ADAMTS17: variants seen among roughly 807,000 people sequenced by gnomAD.
ADAMTS17 encodes A disintegrin and metalloproteinase with thrombospondin motifs 17.
ADAMTS17 carries 113 observed loss-of-function variants against 141.5 expected under a neutral mutation model. The ratio of observed to expected loss-of-function variants is 0.80; its 90% confidence interval spans 0.69 to 0.93. The LOEUF (loss-of-function observed/expected upper bound fraction) is 0.93. ADAMTS17 is among the 40% of genes least tolerant of loss of function. ADAMTS17 has a pLI of 0.00. For missense variants in ADAMTS17, 1,659 were observed against 1,517.9 expected (o/e 1.09, Z -1.54); for synonymous variants, 768 against 630.6 (o/e 1.22, Z -3.27).
intron 3 of ADAMTS17, among the ~76,000 whole-genome samples, chr15:100,292,903 T>G (rs1329255221): frequency 1.3e-5 from 2 of 152,134 alleles, no homozygotes; most frequent in Non-Finnish European, 2.9e-5. Context: ...CAGATAATAT[T>G]CTCCAAACAC....
chr15:100,190,845 G>A (rs941066649), intron 8 of ADAMTS17, among the ~76,000 whole-genome samples: 1 of 152,234 alleles, frequency 6.6e-6, no homozygotes, highest in African/African-American at 2.4e-5. Flanking sequence ...GTTACCAAGA[G>A]AGCCACCTGG....
chr15:100,341,923 C>G lies in ADAMTS17; in HGVS notation c.-24G>C, dbSNP rs754215615. On this transcript the variant is annotated 5_prime_UTR_variant, in exon 1 of 22. Transcript: ENST00000268070. ...ATGGTACCCGGGACCGGCAGCCCCC[C>G]CGGACCGTGGCGGCGAAGCAGGAGC... The G allele has an allele frequency of 1.5e-5, 24 of 1,548,650 alleles. No individual in the cohort carries two copies. Among genetic ancestry groups the G allele is most frequent in the South Asian group, 3.6e-5 (3 of 84,012 alleles).
At chr15:100,162,445 TA>T (rs2039742584) in intron 8 of ADAMTS17, among the ~76,000 whole-genome samples, 1 of 133,950 alleles carries the variant, frequency 7.5e-6, no homozygotes, top group Non-Finnish European at 1.6e-5. Context: ...TATACACATA[TA>T]GTTATATATA....
In ADAMTS17 at chr15:99,993,641, A is replaced by C. The variant is rs1438233751; in HGVS notation, c.2797-441T>G. Among the ~76,000 whole-genome samples, 1 of 152,224 alleles carries C rather than the reference A, an allele frequency of 6.6e-6. No individual in the cohort carries two copies. The highest frequency in any genetic ancestry group is 1.5e-5 in the Non-Finnish European group (1 of 68,034). ...ATCTTTCCAGCTGGCCTCCAGGTGCACATGCTGTGCTTGGACCAGCCTGGG... is the reference window on the plus strand; with the variant it reads ...ATCTTTCCAGCTGGCCTCCAGGTGCCCATGCTGTGCTTGGACCAGCCTGGG... On this transcript the variant is annotated intron_variant, in intron 19 of 21. Transcript: ENST00000268070. This position sits in a 1 kb window ranked among gnomAD's most constrained non-coding sequence, Gnocchi z 4.3.
At position 100,054,170 on chromosome 15, in the gene ADAMTS17, G is replaced by A. The variant is rs1037653963; in HGVS notation, c.2138-116C>T. 380 of 1,199,102 alleles carry A rather than the reference G, an allele frequency of 3.2e-4. 5 individuals carry two copies. In the Admixed American group the frequency reaches 5.6e-3, roughly 18 times the overall value. The allele number at this position is 1,199,102 out of a possible 1,614,324, so 74.3% of individuals were successfully genotyped here. ...GGCAGAGGTCTCCCTTCCACAGGGG[G>A]AAGGAGGGAGGCCTGAAGCGAGAGA... On this transcript the variant is annotated intron_variant, in intron 15 of 21. Transcript: ENST00000268070.
At chr15:100,118,142 A>G (rs2037256620) in intron 12 of ADAMTS17, among the ~76,000 whole-genome samples, 1 of 152,230 alleles carries the variant, frequency 6.6e-6, no homozygotes, top group Non-Finnish European at 1.5e-5. Flanking sequence ...GAAGGGCCAG[A>G]TAGTGAATAT....
At chr15:100,341,496 G>T in intron 1 of ADAMTS17, 87 bp from the exon 2 acceptor site, 2 of 997,692 alleles carry the variant, frequency 2.0e-6, no homozygotes, top group Non-Finnish European at 2.4e-6. Context: ...CCAGCGCGGG[G>T]ACAGCGCGAC....
chr15:100,271,574 T>TA (rs2043913048), intron 4 of ADAMTS17, among the ~76,000 whole-genome samples: 1 of 113,262 alleles, frequency 8.8e-6, no homozygotes, highest in African/African-American at 3.4e-5. Flanking sequence ...TCCCATTTTT[T>TA]AAATTGAATT....
At chr15:100,106,002 A>AT (rs34467733) in intron 14 of ADAMTS17, among the ~76,000 whole-genome samples, 47 of 148,914 alleles carry the variant, frequency 3.2e-4, no homozygotes, top group Non-Finnish European at 4.3e-4. Context: ...CAAGAAAATG[A>AT]TTTTTTTTTT....
At chr15:100,099,087 C>G (rs2035940838) in intron 14 of ADAMTS17, among the ~76,000 whole-genome samples, 2 of 152,208 alleles carry the variant, frequency 1.3e-5, no homozygotes, top group South Asian at 4.1e-4. Context: ...GGTCCAGTTT[C>G]CTCCAGCCCC....
rs1306430167 is a variant in ADAMTS17 at position 100,261,782 on chromosome 15, G to C, written c.874-146C>G. On this transcript the variant is annotated intron_variant, in intron 5 of 21. Transcript: ENST00000268070. ...CACGGCCCTCGAAGAAAAGCCTGATGCTAGTGGGTACGTGGCATAGATCCA... is the reference window on the plus strand; with the variant it reads ...CACGGCCCTCGAAGAAAAGCCTGATCCTAGTGGGTACGTGGCATAGATCCA... The C allele has an allele frequency of 4.5e-6, 4 of 890,204 alleles. No individual in the cohort carries two copies. In the African/African-American group the frequency reaches 6.6e-5, roughly 15 times the overall value. The allele number at this position is 890,204 out of a possible 1,614,324, so 55.1% of individuals were successfully genotyped here. A position where few individuals can be genotyped will look rare whatever the true frequency, so the allele number is the denominator to read the frequency against.
chr15:100,152,823 TTTTC>T, intron 9 of ADAMTS17, 61 bp from the exon 10 acceptor site: 2 of 1,521,762 alleles, frequency 1.3e-6, no homozygotes, highest in Non-Finnish European at 1.8e-6. Flanking sequence ...TTTGTTTTCT[TTTTC>T]TTTTTTTTTT....
intron 3 of ADAMTS17, among the ~76,000 whole-genome samples, chr15:100,297,574 T>C (rs903601421): frequency 3.3e-5 from 5 of 152,198 alleles, no homozygotes; most frequent in Non-Finnish European, 7.3e-5. Flanking sequence ...AATTCCTCAC[T>C]GACCTGGATG....
intron 18 of ADAMTS17, among the ~76,000 whole-genome samples, chr15:100,042,986 A>G (rs1001657217): frequency 3.9e-5 from 6 of 152,226 alleles, no homozygotes; most frequent in Admixed American, 3.9e-4. Context: ...GTGTATGTAT[A>G]TATGTATGTG....
intron 7 of ADAMTS17, among the ~76,000 whole-genome samples, chr15:100,237,538 C>T (rs1038459513): frequency 6.6e-6 from 1 of 152,226 alleles, no homozygotes; most frequent in African/African-American, 2.4e-5. Context: ...GCAGGAGGGA[C>T]TCGATGGGCA....
intron 7 of ADAMTS17, among the ~76,000 whole-genome samples, chr15:100,214,834 C>T (rs1011466015): frequency 3.3e-5 from 5 of 152,236 alleles, no homozygotes; most frequent in Non-Finnish European, 5.9e-5. Flanking sequence ...CTTCCTGAGA[C>T]GGTCCTCGAT....
rs890206996 is a variant in ADAMTS17, at chr15:100,187,750, T to A, written c.1181+11568A>T. ...CACGGGACCAGCTCTTCACACATGG[T>A]CCCTGGCAGTGAGGGTGGGAAGAAG... On this transcript the variant is annotated intron_variant, in intron 8 of 21. Coordinates refer to ENST00000268070, the MANE Select transcript of ADAMTS17 (RefSeq NM_139057.4). Among the ~76,000 whole-genome samples, 3 of 152,104 alleles carry A rather than the reference T, an allele frequency of 2.0e-5. No homozygotes were observed. The South Asian group carries it at 6.2e-4, about 32-fold the overall frequency.
chr15:100,002,593 G>A (rs899998934), intron 18 of ADAMTS17, among the ~76,000 whole-genome samples: 12 of 152,120 alleles, frequency 7.9e-5, no homozygotes, highest in African/African-American at 2.9e-4. Flanking sequence ...CCAGATCTGC[G>A]GGGAAACAGA....
At chr15:100,124,217 T>C (rs1349018157) in intron 12 of ADAMTS17, among the ~76,000 whole-genome samples, 1 of 152,156 alleles carries the variant, frequency 6.6e-6, no homozygotes, top group Admixed American at 6.5e-5. Context: ...CCATCCGCCT[T>C]GGCCTCCCAA....
Sources: gnomAD v4.1 joint callset for allele counts (sites outside exome capture counted in the v4.1 genomes callset) on GRCh38, gnomAD v4.1.1 for gene constraint, Gnocchi (gnomAD v3.1) non-coding constraint, MANE v1.5 for transcripts, NCBI Gene and HGNC (gene_info 2026-07-23, HGNC 2026-07-21) for gene names.